The following PRXL2C variants were observed in gnomAD, a reference collection of about 807,000 sequenced individuals.
The protein encoded by PRXL2C is peroxiredoxin-like 2C.
In PRXL2C, 38 loss-of-function variants were observed where a neutral mutation model predicts 24.9. The ratio of observed to expected loss-of-function variants is 1.53; its 90% confidence interval spans 1.18 to 2.00. The LOEUF (loss-of-function observed/expected upper bound fraction) is 2.00, where lower values mean the gene tolerates loss of function less well. Among genes scored for constraint, PRXL2C ranks in the 30% most tolerant of loss-of-function variants. The pLI is 0.00. For synonymous variants in PRXL2C, 98 were observed against 117.2 expected (o/e 0.84, Z 1.06); for missense variants, 294 against 290.9 (o/e 1.01, Z -0.08).
chr9:96,648,215 T>C (rs1461393881), intron 4 of PRXL2C, among the ~76,000 whole-genome samples: 2 of 152,160 alleles, frequency 1.3e-5, no homozygotes, highest in African/African-American at 2.4e-5. Context: ...AACTCTCTTC[T>C]TATGTCCAAA....
In PRXL2C at chr9:96,639,586, G is replaced by A. The variant is rs972456869; in HGVS notation, c.*2173C>T. 2 of 152,034 alleles carry A rather than the reference G, an allele frequency of 1.3e-5. No homozygotes were observed. The highest frequency in any genetic ancestry group is 4.8e-5 in the African/African-American group (2 of 41,360). 9.4% of individuals were successfully genotyped at this position (152,034 alleles called of 1,614,324 possible). On this transcript the variant is annotated 3_prime_UTR_variant, in exon 6 of 6. Coordinates refer to ENST00000375234, the MANE Select transcript of PRXL2C (RefSeq NM_153698.2). ...AAAAAGCACAAAATAGTTTAAATGAGAAATTTCATTTTTATTGAATAAAAA... is the reference window on the plus strand; with the variant it reads ...AAAAAGCACAAAATAGTTTAAATGAAAAATTTCATTTTTATTGAATAAAAA...
intron 4 of PRXL2C, among the ~76,000 whole-genome samples, chr9:96,649,764 T>C (rs1366482289): frequency 2.0e-5 from 3 of 151,932 alleles, no homozygotes; most frequent in Admixed American, 1.3e-4. Context: ...CTGCTCCACA[T>C]GGGTTATATG....
intron 2 of PRXL2C, among the ~76,000 whole-genome samples, chr9:96,652,994 A>G (rs191095971): frequency 0.011 from 1,611 of 152,162 alleles, 22 homozygotes; most frequent in African/African-American, 0.035. Context: ...TTGGGAGGCC[A>G]AGGCGGGCAG....
chr9:96,645,797 G>GAAAAA, intron 5 of PRXL2C, 96 bp downstream of exon 5: 1 of 1,106,290 alleles, frequency 9.0e-7, no homozygotes, highest in Non-Finnish European at 1.2e-6. Context: ...ACTCCCTCTC[G>GAAAAA]AAAAAAAAAA....
chr9:96,643,664 T>TA (rs767237712), intron 5 of PRXL2C, among the ~76,000 whole-genome samples: 1 of 152,188 alleles, frequency 6.6e-6, no homozygotes, highest in African/African-American at 2.4e-5. Context: ...TGTTCAGAAA[T>TA]ATGGCTAATG....
At chr9:96,645,420 AAG>A (rs1848184044) in intron 5 of PRXL2C, among the ~76,000 whole-genome samples, 1 of 152,060 alleles carries the variant, frequency 6.6e-6, no homozygotes, top group African/African-American at 2.4e-5. Context: ...TTGAAAACAA[AAG>A]ATGCCCCCCT....
chr9:96,645,102 G>C (rs990708429), intron 5 of PRXL2C, among the ~76,000 whole-genome samples: 1 of 151,124 alleles, frequency 6.6e-6, no homozygotes, highest in East Asian at 2.0e-4. Context: ...GTAGAGACGG[G>C]GTTTCACCGT....
chr9:96,642,901 T>C (rs1184059845), intron 5 of PRXL2C, among the ~76,000 whole-genome samples: 1 of 152,180 alleles, frequency 6.6e-6, no homozygotes, highest in Non-Finnish European at 1.5e-5. Context: ...CGCATCCTCA[T>C]TCAACAAACC....
chr9:96,651,525 C>T (rs1263221823), intron 3 of PRXL2C, 30 bp from the exon 4 acceptor site: 1 of 1,589,394 alleles, frequency 6.3e-7, no homozygotes, highest in Non-Finnish European at 8.6e-7. Flanking sequence ...GGAATTTTTA[C>T]AAGAACAAAT....
intron 2 of PRXL2C, 100 bp from the exon 3 acceptor site, chr9:96,651,812 T>C: frequency 5.1e-6 from 5 of 986,920 alleles, no homozygotes; most frequent in Non-Finnish European, 7.6e-6. Flanking sequence ...TAATGCCACC[T>C]ATAGGCTTCT....
intron 4 of PRXL2C, among the ~76,000 whole-genome samples, chr9:96,646,518 G>A (rs1157925616): frequency 1.3e-5 from 2 of 152,160 alleles, no homozygotes; most frequent in Non-Finnish European, 2.9e-5. Flanking sequence ...GCTACGTGTT[G>A]GTCAAAACCT....
intron 5 of PRXL2C, among the ~76,000 whole-genome samples, chr9:96,645,525 CG>C (rs1848185454): frequency 6.6e-6 from 1 of 151,790 alleles, no homozygotes; most frequent in South Asian, 2.1e-4. Flanking sequence ...GGGTGGGGCG[CG>C]GTGGCTCATG....
At chr9:96,649,595 C>T (rs1261603083) in intron 4 of PRXL2C, among the ~76,000 whole-genome samples, 1 of 150,848 alleles carries the variant, frequency 6.6e-6, no homozygotes, top group Non-Finnish European at 1.5e-5. Context: ...AAAAAAAACC[C>T]ATCAATAAAG....
In PRXL2C at chr9:96,654,700, C is replaced by G; in HGVS notation, c.261+5G>C. The G allele has an allele frequency of 6.4e-7, 1 of 1,560,008 alleles. No individual in the cohort carries two copies. Among genetic ancestry groups the G allele is most frequent in the Non-Finnish European group, 8.7e-7 (1 of 1,150,852 alleles). On this transcript the variant is annotated splice_donor_5th_base_variant and intron_variant, in intron 2 of 5. Coordinates refer to ENST00000375234, the MANE Select transcript of PRXL2C (RefSeq NM_153698.2). ...GCACTGGGCCGCCCACGCTGGGAAA[C>G]TCACTTGTAAGAAACTCCTGGGGAT...
At chr9:96,645,690 G>A (rs1271569588) in intron 5 of PRXL2C, among the ~76,000 whole-genome samples, 2 of 151,562 alleles carry the variant, frequency 1.3e-5, no homozygotes. Context: ...CCAGCTACTC[G>A]GGAGGCTGAG....
In PRXL2C at chr9:96,641,640, C is replaced by T; in HGVS notation, c.*119G>A. 7 of 1,089,672 alleles carry T rather than the reference C, an allele frequency of 6.4e-6. No homozygotes were observed. Among genetic ancestry groups the T allele is most frequent in the Non-Finnish European group, 8.6e-6 (7 of 815,260 alleles). 67.5% of individuals were successfully genotyped at this position (1,089,672 alleles called of 1,614,324 possible). On this transcript the variant is annotated 3_prime_UTR_variant, in exon 6 of 6. Transcript: ENST00000375234. ...AGGTTCAAGCCCCCTTTATGCTTCC[C>T]TAACTCCTCAAAGGCTGGGAAGGGA...
chr9:96,645,087 T>C (rs971380230), intron 5 of PRXL2C, among the ~76,000 whole-genome samples: 1 of 151,302 alleles, frequency 6.6e-6, no homozygotes, highest in Admixed American at 6.6e-5. Flanking sequence ...TTTTTTGTAT[T>C]TTTAGTAGAG....
intron 4 of PRXL2C, among the ~76,000 whole-genome samples, chr9:96,651,128 A>G (rs1449722512): frequency 6.6e-6 from 1 of 152,160 alleles, no homozygotes; most frequent in African/African-American, 2.4e-5. Flanking sequence ...AATATAAAAA[A>G]TTAGCTGGGC....
rs1848097699 is a variant in PRXL2C, at chr9:96,640,283, C to T, written c.*1476G>A. ...GTGGCTAACGCCTGCAATTCTAGCA[C>T]TTTGGGAGGCCGAGGCAGACGGATC... On this transcript the variant is annotated 3_prime_UTR_variant, in exon 6 of 6. Coordinates refer to ENST00000375234, the MANE Select transcript of PRXL2C (RefSeq NM_153698.2). 1 of 151,788 alleles carries T rather than the reference C, an allele frequency of 6.6e-6. No individual in the cohort carries two copies. Among genetic ancestry groups the T allele is most frequent in the South Asian group, 2.1e-4 (1 of 4,810 alleles). 9.4% of individuals were successfully genotyped at this position (151,788 alleles called of 1,614,324 possible).
Sources: allele counts gnomAD v4.1 joint callset (sites outside exome capture counted in the v4.1 genomes callset), GRCh38; gene constraint gnomAD v4.1.1; transcripts MANE v1.5; gene names NCBI Gene and HGNC (gene_info 2026-07-23, HGNC 2026-07-21).